Variants in CYRIA observed in about 807,000 individuals in gnomAD.
The protein encoded by CYRIA is CYFIP related Rac1 interactor A.
In CYRIA, 15 loss-of-function variants were observed where a neutral mutation model predicts 43.9. The observed-to-expected ratio is 0.34, with a 90% CI of 0.23 to 0.53. The LOEUF is 0.53. Among genes scored for constraint, CYRIA ranks in the 20% least tolerant of loss-of-function variants. The pLI is 0.94. For missense variants in CYRIA, 236 were observed against 394.2 expected (o/e 0.60, Z 3.40); for synonymous variants, 117 against 136.0 (o/e 0.86, Z 0.97).
intron 1 of CYRIA, among the ~76,000 whole-genome samples, chr2:16,634,862 T>C (rs1158289760): frequency 1.3e-5 from 2 of 152,320 alleles, no homozygotes; most frequent in East Asian, 1.9e-4. Flanking sequence ...ATTTACACCA[T>C]GGAAATTGTC....
intron 3 of CYRIA, among the ~76,000 whole-genome samples, chr2:16,578,181 T>C (rs983727914): frequency 3.9e-5 from 6 of 152,286 alleles, no homozygotes; most frequent in Non-Finnish European, 5.9e-5. Context: ...AAATCTGAAA[T>C]TTACAGTGAA....
chr2:16,569,271 A>G lies in CYRIA; in HGVS notation c.71-3504T>C, dbSNP rs139502899. ...TCTCTCCTGGCAGCTGGGGTGATCT[A>G]TAAGACAGGACCCTCAGTCCTCAGC... is the stretch of plus-strand genomic sequence containing the variant. On this transcript the variant is annotated intron_variant, in intron 3 of 11. Coordinates refer to ENST00000381323, the MANE Select transcript of CYRIA (RefSeq NM_030797.4). Among the ~76,000 whole-genome samples, 859 of 152,264 alleles carry G rather than the reference A, an allele frequency of 5.6e-3. 11 individuals carry two copies. Among genetic ancestry groups the G allele is most frequent in the African/African-American group, 0.02 (828 of 41,552 alleles).
chr2:16,621,891 G>A (rs1463704454), intron 2 of CYRIA, among the ~76,000 whole-genome samples: 2 of 152,196 alleles, frequency 1.3e-5, no homozygotes, highest in South Asian at 2.1e-4. Context: ...ACTTGTTGAT[G>A]ATCCCTTGAT....
intron 3 of CYRIA, among the ~76,000 whole-genome samples, chr2:16,581,730 T>C (rs960658296): frequency 6.6e-6 from 1 of 152,154 alleles, no homozygotes; most frequent in African/African-American, 2.4e-5. Context: ...AGGAATATAA[T>C]GCCCACAAAT....
At chr2:16,654,763 A>G (rs924029222) in intron 1 of CYRIA, among the ~76,000 whole-genome samples, 7 of 152,352 alleles carry the variant, frequency 4.6e-5, no homozygotes, top group African/African-American at 1.7e-4. Context: ...AGTTAGAATT[A>G]ATAGGTGCTA....
intron 11 of CYRIA, among the ~76,000 whole-genome samples, chr2:16,554,030 AG>A (rs1372729306): frequency 9.2e-5 from 14 of 152,100 alleles, no homozygotes; most frequent in African/African-American, 2.9e-4. Context: ...CATCAACCTC[AG>A]GGTCTATTTT....
chr2:16,564,965 C>A (rs1043902783), intron 4 of CYRIA, among the ~76,000 whole-genome samples: 1 of 152,156 alleles, frequency 6.6e-6, no homozygotes, highest in African/African-American at 2.4e-5. Context: ...CCAGAAAGTA[C>A]ATGTCCACCC....
chr2:16,586,740 A>G (rs1667741727), intron 3 of CYRIA, among the ~76,000 whole-genome samples: 1 of 151,958 alleles, frequency 6.6e-6, no homozygotes, highest in Admixed American at 6.6e-5. Flanking sequence ...AACTTCTTTT[A>G]GAAGGTTTAA....
intron 2 of CYRIA, among the ~76,000 whole-genome samples, chr2:16,616,375 A>G (rs1003616834): frequency 3.3e-5 from 5 of 152,000 alleles, no homozygotes; most frequent in African/African-American, 1.2e-4. Flanking sequence ...CCCATTCACA[A>G]TGACATCCTT....
At chr2:16,604,488 C>T (rs955178791) in intron 2 of CYRIA, among the ~76,000 whole-genome samples, 8 of 152,238 alleles carry the variant, frequency 5.3e-5, no homozygotes, top group African/African-American at 1.2e-4. Context: ...GACTCAGACA[C>T]GCTTTCTCCT....
chr2:16,591,900 TCA>T (rs1328742496), intron 2 of CYRIA, among the ~76,000 whole-genome samples: 5 of 151,872 alleles, frequency 3.3e-5, no homozygotes, highest in Non-Finnish European at 7.4e-5. Flanking sequence ...ATGCACACAC[TCA>T]CACACACACA....
chr2:16,564,870 A>G lies in CYRIA; in HGVS notation c.192+776T>C, dbSNP rs13382996. On this transcript the variant is annotated intron_variant, in intron 4 of 11. Coordinates refer to ENST00000381323, the MANE Select transcript of CYRIA (RefSeq NM_030797.4). Reference sequence around the variant, plus strand: ...TGTTAATTTTAGAAAATCTCATAAGACATTTGAGATGACAAACTGAAAGCA... The same window carrying G: ...TGTTAATTTTAGAAAATCTCATAAGGCATTTGAGATGACAAACTGAAAGCA... Among the ~76,000 whole-genome samples, 402 of 152,284 alleles carry G rather than the reference A, an allele frequency of 2.6e-3. 1 individual carries two copies. The highest frequency in any genetic ancestry group is 9.0e-3 in the African/African-American group (376 of 41,568).
chr2:16,592,675 T>C (rs1055553960), intron 2 of CYRIA, among the ~76,000 whole-genome samples: 2 of 152,140 alleles, frequency 1.3e-5, no homozygotes, highest in Non-Finnish European at 2.9e-5. Flanking sequence ...AACAATATGA[T>C]GTGTTGACTC....
chr2:16,662,942 C>T (rs896096394), intron 1 of CYRIA, among the ~76,000 whole-genome samples: 1 of 152,120 alleles, frequency 6.6e-6, no homozygotes, highest in African/African-American at 2.4e-5. Flanking sequence ...TTTTTCGAAC[C>T]CCTAGTTCCC....
In CYRIA at chr2:16,552,135, T is replaced by A. The variant is rs1209692595; in HGVS notation, c.*801A>T. ...AATAACTTCAAAGCCAGAGCTCCAT[T>A]TCCCTAATCCCTGTAGGCAGAGGGC... On this transcript the variant is annotated 3_prime_UTR_variant, in exon 12 of 12. Coordinates refer to ENST00000381323, the MANE Select transcript of CYRIA (RefSeq NM_030797.4). 1 of 152,060 alleles carries A rather than the reference T, an allele frequency of 6.6e-6. No homozygotes were observed. Among genetic ancestry groups the A allele is most frequent in the African/African-American group, 2.4e-5 (1 of 41,410 alleles). The allele number at this position is 152,060 out of a possible 1,614,324, so 9.4% of individuals were successfully genotyped here.
chr2:16,660,000 A>G (rs1055789281), intron 1 of CYRIA, among the ~76,000 whole-genome samples: 3 of 152,034 alleles, frequency 2.0e-5, no homozygotes, highest in African/African-American at 4.8e-5. Flanking sequence ...CTCAGCCAGA[A>G]AGTGGCTCCC....
At chr2:16,631,410 A>G (rs185751095) in intron 1 of CYRIA, among the ~76,000 whole-genome samples, 1 of 152,362 alleles carries the variant, frequency 6.6e-6, no homozygotes, top group East Asian at 1.9e-4. Flanking sequence ...AGATGAGTGG[A>G]AAAAGAGGCT....
At chr2:16,558,101 A>G (rs1173308884) in intron 10 of CYRIA, among the ~76,000 whole-genome samples, 1 of 152,156 alleles carries the variant, frequency 6.6e-6, no homozygotes, top group Non-Finnish European at 1.5e-5. Context: ...CATCTATACT[A>G]AAAGAAGGTA....
chr2:16,645,548 C>T (rs1047686346), intron 1 of CYRIA, among the ~76,000 whole-genome samples: 2 of 152,128 alleles, frequency 1.3e-5, no homozygotes, highest in Non-Finnish European at 2.9e-5. Flanking sequence ...CTGTATTACA[C>T]GAGCCACATG....
Sources: gnomAD v4.1 joint callset for allele counts (sites outside exome capture counted in the v4.1 genomes callset) on GRCh38, gnomAD v4.1.1 for gene constraint, MANE v1.5 for transcripts, NCBI Gene and HGNC (gene_info 2026-07-23, HGNC 2026-07-21) for gene names.